Variants in TSNAX observed in about 807,000 individuals in gnomAD.
TSNAX encodes translin associated factor X.
A neutral mutation model predicts 33.0 loss-of-function variants in TSNAX; 12 were observed. The observed-to-expected ratio is 0.36, with a 90% CI of 0.23 to 0.59. TSNAX has a LOEUF of 0.59. Ranked by LOEUF, TSNAX falls within the 20% of genes least tolerant of loss-of-function variation. TSNAX has a pLI of 0.74. For missense variants in TSNAX, 267 were observed against 341.3 expected (o/e 0.78, Z 1.72); for synonymous variants, 110 against 117.2 (o/e 0.94, Z 0.40).
chr1:231,551,225 G>C (rs1435200205), intron 4 of TSNAX, among the ~76,000 whole-genome samples: 1 of 152,102 alleles, frequency 6.6e-6, no homozygotes, highest in African/African-American at 2.4e-5. Context: ...GTGGTCCTTT[G>C]GTATTAGGAA....
At chr1:231,533,709 A>G (rs916980562) in intron 2 of TSNAX, among the ~76,000 whole-genome samples, 6 of 152,074 alleles carry the variant, frequency 3.9e-5, no homozygotes, top group Non-Finnish European at 7.4e-5. Flanking sequence ...AGATTGACCA[A>G]TTTTTAACAT....
At chr1:231,555,786 C>G (rs1228935990) in intron 4 of TSNAX, among the ~76,000 whole-genome samples, 2 of 152,026 alleles carry the variant, frequency 1.3e-5, no homozygotes, top group Non-Finnish European at 2.9e-5. Flanking sequence ...CAAGGAAAGA[C>G]TGAAATTCCT....
In TSNAX at chr1:231,564,011, G is replaced by A. The variant is rs987862349; in HGVS notation, c.496-517G>A. On this transcript the variant is annotated intron_variant, in intron 5 of 5. Coordinates refer to ENST00000366639, the MANE Select transcript of TSNAX (RefSeq NM_005999.3). ...TGAGGATTCTGTTTTTGCTGGGTAG[G>A]TGCAGTAGAAAATATAGCAGTCTAA... Among the ~76,000 whole-genome samples the A allele has an allele frequency of 2.6e-5, 4 of 152,040 alleles. No individual in the cohort carries two copies. The South Asian group carries it at 8.3e-4, about 32-fold the overall frequency.
chr1:231,543,717 AT>A (rs1287258917), intron 4 of TSNAX, among the ~76,000 whole-genome samples: 3 of 152,232 alleles, frequency 2.0e-5, no homozygotes, highest in Non-Finnish European at 2.9e-5. Context: ...ACCAGCATAC[AT>A]TAGTTAAAAC....
intron 4 of TSNAX, 90 bp from the exon 5 acceptor site, chr1:231,561,035 GAAC>G: frequency 7.8e-7 from 1 of 1,280,510 alleles, no homozygotes; most frequent in African/African-American, 1.5e-5. Flanking sequence ...GCTTTTTTTT[GAAC>G]TAGATGATGA....
chr1:231,541,176 T>C (rs913474051), intron 3 of TSNAX, among the ~76,000 whole-genome samples: 56 of 152,194 alleles, frequency 3.7e-4, no homozygotes, highest in African/African-American at 1.3e-3. Flanking sequence ...TATGATCCCA[T>C]TTTATCTTAT....
intron 4 of TSNAX, 52 bp downstream of exon 4, chr1:231,542,663 T>C: frequency 6.4e-7 from 1 of 1,560,580 alleles, no homozygotes; most frequent in East Asian, 2.3e-5. Flanking sequence ...GTGTGCTACA[T>C]GATTAACATG....
chr1:231,556,172 G>A (rs756877707), intron 4 of TSNAX, among the ~76,000 whole-genome samples: 12 of 152,128 alleles, frequency 7.9e-5, no homozygotes, highest in Non-Finnish European at 1.5e-4. Context: ...TGTTTTGTCC[G>A]TGAGTCAATT....
chr1:231,553,801 C>T (rs937257719), intron 4 of TSNAX, among the ~76,000 whole-genome samples: 2 of 151,898 alleles, frequency 1.3e-5, no homozygotes, highest in Admixed American at 6.6e-5. Context: ...ATTCTTTTGC[C>T]TCAGCCTCCC....
At chr1:231,549,268 A>G (rs116552967) in intron 4 of TSNAX, among the ~76,000 whole-genome samples, 2,567 of 152,182 alleles carry the variant, frequency 0.017, 72 homozygotes, top group African/African-American at 0.058. Flanking sequence ...AAGTGATGAA[A>G]CCCCATGTCT....
chr1:231,561,165 C>T lies in TSNAX; in HGVS notation c.405C>T (p.His135=), dbSNP rs1477714956. 3 of 1,611,322 alleles carry T rather than the reference C, an allele frequency of 1.9e-6. No individual in the cohort carries two copies. Among genetic ancestry groups the T allele is most frequent in the Non-Finnish European group, 2.5e-6 (3 of 1,178,972 alleles). ...ATGTGGAAGCTGTCTCTTTTCAACACTTCATCAAAACACGATCATTAATTA... is the reference window on the plus strand; with the variant it reads ...ATGTGGAAGCTGTCTCTTTTCAACATTTCATCAAAACACGATCATTAATTA... ...QEYVEAVSFQ[H]FIKTRSLISM... Residue 135 remains histidine, a synonymous_variant, in exon 5 of 6, where the codon CAC becomes CAT. Transcript: ENST00000366639.
Position 231,537,334 on chromosome 1 carries a change from A to G in TSNAX, c.236+7A>G. ...TCCTCCATAGGATTACAAGGTGAGT[A>G]AGCATCTTTAGAATTTATTACAGTT... On this transcript the variant is annotated splice_region_variant and intron_variant, in intron 3 of 5. Transcript: ENST00000366639. 1 of 1,558,170 alleles carries G rather than the reference A, an allele frequency of 6.4e-7. No individual in the cohort carries two copies. Among genetic ancestry groups the G allele is most frequent in the Non-Finnish European group, 8.8e-7 (1 of 1,134,032 alleles).
intron 4 of TSNAX, among the ~76,000 whole-genome samples, chr1:231,543,063 A>G (rs1017350245): frequency 2.0e-5 from 3 of 151,918 alleles, no homozygotes; most frequent in Non-Finnish European, 4.4e-5. Context: ...CTGTAATCCC[A>G]GCTACTCCGG....
intron 4 of TSNAX, among the ~76,000 whole-genome samples, chr1:231,546,392 G>T (rs1376950492): frequency 2.0e-5 from 3 of 152,160 alleles, no homozygotes; most frequent in African/African-American, 7.2e-5. Context: ...CATACTAGCA[G>T]GAATAGGATC....
chr1:231,547,393 T>TC lies in TSNAX; in HGVS notation c.367+4782_367+4783insC, dbSNP rs1202503914. ...AAGGCTTTTTCTTTTTTTTTTCTTT[T>TC]TTTTTTTTTTTTTTTGAGATGGAGT... On this transcript the variant is annotated intron_variant, in intron 4 of 5. Transcript: ENST00000366639. 5.2e-3 allele frequency among the ~76,000 whole-genome samples: 731 copies of TC among 141,468 alleles called. 5 individuals are homozygous for TC. Among genetic ancestry groups the TC allele is most frequent in the African/African-American group, 0.017 (658 of 38,074 alleles). 92.8% of individuals were successfully genotyped at this position (141,468 alleles called of 152,430 possible).
chr1:231,560,719 G>A (rs1032637020), intron 4 of TSNAX, among the ~76,000 whole-genome samples: 6 of 150,456 alleles, frequency 4.0e-5, no homozygotes, highest in Non-Finnish European at 7.4e-5. Context: ...TGCCCGGCCA[G>A]AATAAGCTTT....
At chr1:231,531,672 A>G (rs1054223348) in intron 2 of TSNAX, among the ~76,000 whole-genome samples, 1 of 152,190 alleles carries the variant, frequency 6.6e-6, no homozygotes, top group Non-Finnish European at 1.5e-5. Context: ...CATGTCAGCT[A>G]CTAATTTAGT....
intron 2 of TSNAX, among the ~76,000 whole-genome samples, chr1:231,531,192 A>C (rs1370965190): frequency 6.6e-6 from 1 of 152,046 alleles, no homozygotes; most frequent in Non-Finnish European, 1.5e-5. Flanking sequence ...CTCCGAGCTC[A>C]AGCAGTCTGC....
At position 231,564,562 on chromosome 1, in the gene TSNAX, C is replaced by T; in HGVS notation, c.530C>T (p.Thr177Ile). The T allele has an allele frequency of 6.2e-7, 1 of 1,613,940 alleles. No individual in the cohort carries two copies. Among genetic ancestry groups the T allele is most frequent in the South Asian group, 1.1e-5 (1 of 91,068 alleles). Reference protein sequence around the residue: ...SSDAQDKQFGTWRLRVTPVDY... With the variant: ...SSDAQDKQFGIWRLRVTPVDY... ...GATGCACAGGATAAGCAGTTTGGTACTTGGAGACTGAGAGTCACACCTGTC... is the reference window on the plus strand; with the variant it reads ...GATGCACAGGATAAGCAGTTTGGTATTTGGAGACTGAGAGTCACACCTGTC... The change falls in exon 6 of 6, where the codon ACT becomes ATT. Residue 177 changes from threonine to isoleucine, a missense_variant. Coordinates refer to ENST00000366639, the MANE Select transcript of TSNAX (RefSeq NM_005999.3).
Sources: gnomAD v4.1 joint callset for allele counts (sites outside exome capture counted in the v4.1 genomes callset) on GRCh38, gnomAD v4.1.1 for gene constraint, MANE v1.5 for transcripts, NCBI Gene and HGNC (gene_info 2026-07-23, HGNC 2026-07-21) for gene names.